ITGB5: variants seen among roughly 807,000 people sequenced by gnomAD.
The protein encoded by ITGB5 is integrin beta-5.
ITGB5 carries 38 observed loss-of-function variants against 84.8 expected under a neutral mutation model. The observed-to-expected ratio is 0.45, with a 90% CI of 0.35 to 0.59. The LOEUF is 0.59. Ranked by LOEUF, ITGB5 falls within the 20% of genes least tolerant of loss-of-function variation. The probability of loss-of-function intolerance (pLI) is 0.01; values close to 1 mark genes in which losing one functional copy is unlikely to be tolerated. For missense variants in ITGB5, 905 were observed against 1,034.5 expected (o/e 0.87, Z 1.72); for synonymous variants, 393 against 414.4 (o/e 0.95, Z 0.63).
chr3:124,886,564 G>C (rs1455513475), intron 1 of ITGB5, among the ~76,000 whole-genome samples: 1 of 152,054 alleles, frequency 6.6e-6, no homozygotes, highest in Admixed American at 6.5e-5. Flanking sequence ...GCTCCCGGCC[G>C]GCCACAAGGA....
upstream of ITGB5, among the ~76,000 whole-genome samples, chr3:124,891,201 C>T (rs955982168): frequency 6.6e-6 from 1 of 152,170 alleles, no homozygotes; most frequent in Admixed American, 6.5e-5. Flanking sequence ...TATGACCCAA[C>T]AACTCTAGTT....
chr3:124,806,469 T>C (rs2107532708), intron 9 of ITGB5, among the ~76,000 whole-genome samples: 1 of 140,008 alleles, frequency 7.1e-6, no homozygotes, highest in South Asian at 2.5e-4. Context: ...AGTCTCACTC[T>C]GTCGCCCAGG....
At chr3:124,851,177 G>A (rs1579294439) in intron 3 of ITGB5, among the ~76,000 whole-genome samples, 1 of 152,174 alleles carries the variant, frequency 6.6e-6, no homozygotes, top group Admixed American at 6.5e-5. Context: ...ATAGAGGCTT[G>A]GAAGCAGGAA....
rs777083861 is a variant in ITGB5 at position 124,821,326 on chromosome 3, G to A, written c.929C>T (p.Ala310Val). The change falls in exon 6 of 15, where the codon GCA (alanine) becomes GTA (valine). Residue 310 changes from alanine (A) to valine (V), a missense_variant. Physicochemically the swap from Ala to Val is moderately conservative, Grantham distance 64. Coordinates refer to ENST00000296181, the MANE Select transcript of ITGB5 (RefSeq NM_002213.5). ...CHLNEANEYT[A>V]SNQMDYPSLA... ...CCCGGCACTCACCATCTGGTTGGATGCAGTGTACTCGTTGGCCTCGTTCAG... is the reference window on the plus strand; with the variant it reads ...CCCGGCACTCACCATCTGGTTGGATACAGTGTACTCGTTGGCCTCGTTCAG... The A allele has an allele frequency of 1.2e-5, 20 of 1,613,292 alleles. No individual in the cohort carries two copies. In the African/African-American group the frequency reaches 2.7e-4, roughly 22 times the overall value.
chr3:124,818,964 G>A (rs1034268373), intron 7 of ITGB5, among the ~76,000 whole-genome samples: 3 of 152,144 alleles, frequency 2.0e-5, no homozygotes, highest in South Asian at 4.1e-4. Flanking sequence ...GCTTCATCAC[G>A]TAAAAGAATC....
At chr3:124,799,474 G>A (rs148004126) in intron 9 of ITGB5, among the ~76,000 whole-genome samples, 7,256 of 152,256 alleles carry the variant, frequency 0.048, 239 homozygotes, top group South Asian at 0.09. Context: ...GTGGGAGGAT[G>A]GCTTGAGCCC....
chr3:124,830,711 C>T (rs1352063346), intron 5 of ITGB5, among the ~76,000 whole-genome samples: 1 of 152,184 alleles, frequency 6.6e-6, no homozygotes, highest in Admixed American at 6.5e-5. Context: ...TGGCCGGGCA[C>T]GGTGGCTCAT....
In ITGB5 at chr3:124,860,072, A is replaced by C. The variant is rs2065275383; in HGVS notation, c.157-626T>G. On this transcript the variant is annotated intron_variant, in intron 2 of 14. Transcript: ENST00000296181. Reference sequence around the variant, plus strand: ...GGCATTGGATGCTGGATAATCATTCAGGAGAACAATGTGGCAGTACAGGTC... The same window carrying C: ...GGCATTGGATGCTGGATAATCATTCCGGAGAACAATGTGGCAGTACAGGTC... Among the ~76,000 whole-genome samples the C allele has an allele frequency of 2.0e-5, 3 of 152,368 alleles. No individual in the cohort carries two copies. In the South Asian group the frequency reaches 6.2e-4, roughly 32 times the overall value.
At chr3:124,870,510 C>T (rs1278901738) in intron 2 of ITGB5, among the ~76,000 whole-genome samples, 1 of 152,070 alleles carries the variant, frequency 6.6e-6, no homozygotes, top group Non-Finnish European at 1.5e-5. Context: ...GGGTGGATCA[C>T]GAGGTCAGGA....
At chr3:124,897,886 T>G (rs1935137071) in intron 1 of ITGB5, among the ~76,000 whole-genome samples, 1 of 152,182 alleles carries the variant, frequency 6.6e-6, no homozygotes, top group Non-Finnish European at 1.5e-5. Flanking sequence ...CTCTTCTATA[T>G]TCCCCCTGCC....
chr3:124,869,418 A>G (rs2065443150), intron 2 of ITGB5, among the ~76,000 whole-genome samples: 1 of 152,140 alleles, frequency 6.6e-6, no homozygotes, highest in South Asian at 2.1e-4. Flanking sequence ...TCTACTAAAA[A>G]TACAAAAATT....
intron 10 of ITGB5, among the ~76,000 whole-genome samples, chr3:124,794,769 G>A (rs1186213478): frequency 1.0e-4 from 15 of 149,000 alleles, no homozygotes; most frequent in African/African-American, 1.5e-4. Flanking sequence ...GCAACAGAGC[G>A]AGACTTCATC....
At chr3:124,818,743 T>A (rs949700775) in intron 7 of ITGB5, among the ~76,000 whole-genome samples, 2 of 152,204 alleles carry the variant, frequency 1.3e-5, no homozygotes, top group African/African-American at 4.8e-5. Flanking sequence ...CCTTGTTTCA[T>A]CTTCTAACAT....
intron 1 of ITGB5, among the ~76,000 whole-genome samples, chr3:124,885,962 C>A (rs1351655705): frequency 1.3e-5 from 2 of 152,190 alleles, no homozygotes; most frequent in Non-Finnish European, 2.9e-5. Flanking sequence ...CAAGTATCTC[C>A]GGCTTGAAAG....
chr3:124,823,684 C>T (rs6438856), intron 5 of ITGB5, among the ~76,000 whole-genome samples: 64,307 of 149,870 alleles, frequency 0.43, 15,021 homozygotes, highest in African/African-American at 0.59. Flanking sequence ...TTGATGTGTA[C>T]ATTTTGATAA....
At position 124,784,426 on chromosome 3, in the gene ITGB5, G is replaced by A. The variant is rs1045170097; in HGVS notation, c.1694-10514C>T. ...AGGCTGAGGTGGGAGGATAGCTTGA[G>A]CCCAGGAGTTCAAGCCTGCAATGAG... On this transcript the variant is annotated intron_variant, in intron 10 of 14. Coordinates refer to ENST00000296181, the MANE Select transcript of ITGB5 (RefSeq NM_002213.5). Among the ~76,000 whole-genome samples the A allele has an allele frequency of 6.6e-5, 10 of 152,310 alleles. No homozygotes were observed. The South Asian group carries it at 1.9e-3, about 28-fold the overall frequency.
chr3:124,801,829 A>G (rs2064320836), intron 9 of ITGB5, among the ~76,000 whole-genome samples: 1 of 152,232 alleles, frequency 6.6e-6, no homozygotes, highest in Non-Finnish European at 1.5e-5. Flanking sequence ...GGCCCAAGCC[A>G]GCCACTCTCC....
chr3:124,842,291 C>G (rs2065021236), intron 4 of ITGB5, among the ~76,000 whole-genome samples: 1 of 152,228 alleles, frequency 6.6e-6, no homozygotes, highest in Non-Finnish European at 1.5e-5. Flanking sequence ...AGCCTTTCTC[C>G]TGAAATATGG....
In ITGB5 at chr3:124,817,664, C is replaced by T. The variant is rs780151554; in HGVS notation, c.1085G>A (p.Gly362Glu). Residue 362 changes from glycine to glutamate, a missense_variant, in exon 8 of 15, where the codon GGA becomes GAA. Coordinates refer to ENST00000296181, the MANE Select transcript of ITGB5 (RefSeq NM_002213.5). Reference sequence around the variant, plus strand: ...CAGTTGAATAATATTTTTGGAGTCTCCATCTAAAATCTCCACCGTTGTTCC... The same window carrying T: ...CAGTTGAATAATATTTTTGGAGTCTTCATCTAAAATCTCCACCGTTGTTCC... Reference protein sequence around the residue: ...IPGTTVEILDGDSKNIIQLII... With the variant: ...IPGTTVEILDEDSKNIIQLII... 2.5e-5 allele frequency: 40 copies of T among 1,592,178 alleles called. No individual in the cohort carries two copies. The highest frequency in any genetic ancestry group is 3.3e-5 in the Non-Finnish European group (39 of 1,169,072).
Sources: allele counts gnomAD v4.1 joint callset (sites outside exome capture counted in the v4.1 genomes callset), GRCh38; gene constraint gnomAD v4.1.1; transcripts MANE v1.5; gene names NCBI Gene and HGNC (gene_info 2026-07-23, HGNC 2026-07-21).